CASC3: variants seen among roughly 807,000 people sequenced by gnomAD.
CASC3 encodes the protein CASC3 exon junction complex subunit, also known as protein CASC3.
A neutral mutation model predicts 80.5 loss-of-function variants in CASC3; 30 were observed. The observed-to-expected ratio is 0.37, with a 90% CI of 0.28 to 0.51. The LOEUF (loss-of-function observed/expected upper bound fraction) is 0.51. CASC3 is among the 20% of genes least tolerant of loss of function. The pLI is 0.94. For synonymous variants in CASC3, 312 were observed against 333.6 expected, an observed-to-expected ratio of 0.94 and a Z score of 0.70; for missense variants, 824 against 922.2, an observed-to-expected ratio of 0.89 and a Z score of 1.38.
intron 13 of CASC3, 56 bp downstream of exon 13, chr17:40,169,718 TAAAC>T (rs1411291676): frequency 4.9e-5 from 19 of 390,826 alleles, no homozygotes; most frequent in Non-Finnish European, 8.0e-5. Flanking sequence ...ACTTGCTTAA[TAAAC>T]AAAAATCACT....
chr17:40,154,481 A>G (rs913345153), intron 3 of CASC3, among the ~76,000 whole-genome samples: 1 of 149,428 alleles, frequency 6.7e-6, no homozygotes, highest in African/African-American at 2.5e-5. Context: ...TGATCTGCCC[A>G]CCTCAGCCTC....
chr17:40,167,446 AT>A, intron 8 of CASC3, 51 bp from the exon 9 acceptor site: 3 of 1,320,882 alleles, frequency 2.3e-6, no homozygotes, highest in Non-Finnish European at 3.3e-6. Flanking sequence ...GTAGGACTTG[AT>A]ATGAGAGCCC....
At chr17:40,141,641 T>C in intron 3 of CASC3, 34 bp downstream of exon 3, 5 of 1,565,622 alleles carry the variant, frequency 3.2e-6, no homozygotes, top group Non-Finnish European at 4.4e-6. Context: ...ATGGTATAGA[T>C]CAGAAATGCT....
chr17:40,140,897 T>C, intron 1 of CASC3, 118 bp downstream of exon 1: 1 of 841,240 alleles, frequency 1.2e-6, no homozygotes, highest in Non-Finnish European at 1.8e-6. Flanking sequence ...TTTTTTTGTT[T>C]TTGAGAGAAA....
chr17:40,144,636 G>A lies in CASC3; in HGVS notation c.297+3029G>A, dbSNP rs776303875. Among the ~76,000 whole-genome samples, 8 of 148,504 alleles carry A rather than the reference G, an allele frequency of 5.4e-5. 1 individual carries two copies. The highest frequency in any genetic ancestry group is 1.2e-4 in the Non-Finnish European group (8 of 67,200). ...CCGGGATTACAGGTGGATTACGGGT[G>A]TGAGCCACTGTGCCCAGCCCTCTTT... On this transcript the variant is annotated intron_variant, in intron 3 of 13. Transcript: ENST00000264645.
chr17:40,144,757 A>G (rs1598419781), intron 3 of CASC3, among the ~76,000 whole-genome samples: 1 of 142,746 alleles, frequency 7.0e-6, no homozygotes, highest in Non-Finnish European at 1.5e-5. Flanking sequence ...GCTCACTGCA[A>G]CCTCAAACTG....
intron 3 of CASC3, among the ~76,000 whole-genome samples, chr17:40,152,412 C>A (rs1235986977): frequency 6.6e-6 from 1 of 151,938 alleles, no homozygotes; most frequent in Non-Finnish European, 1.5e-5. Context: ...GCCTCTGCCT[C>A]CTGGGTTCAA....
intron 3 of CASC3, among the ~76,000 whole-genome samples, chr17:40,156,413 G>A (rs1215335794): frequency 6.6e-6 from 1 of 152,176 alleles, no homozygotes; most frequent in African/African-American, 2.4e-5. Context: ...ACGGCCAGGC[G>A]CGGTGGCTCA....
At chr17:40,148,262 G>T (rs972070888) in intron 3 of CASC3, among the ~76,000 whole-genome samples, 1 of 151,864 alleles carries the variant, frequency 6.6e-6, no homozygotes, top group Non-Finnish European at 1.5e-5. Context: ...ACTGAATTTG[G>T]TCCTGCTCTC....
chr17:40,169,792 G>T, intron 13 of CASC3, 130 bp downstream of exon 13: 1 of 485,344 alleles, frequency 2.1e-6, no homozygotes, highest in Non-Finnish European at 3.2e-6. Context: ...GTCTCAGTCT[G>T]TTATCCAGGC....
At chr17:40,141,086 A>C in intron 1 of CASC3, 121 bp from the exon 2 acceptor site, 1 of 920,524 alleles carries the variant, frequency 1.1e-6, no homozygotes, top group Non-Finnish European at 1.8e-6. Context: ...AGATTTACCT[A>C]TCTCTGTCTC....
At chr17:40,167,753 G>T (rs1989488412) in intron 9 of CASC3, 97 bp from the exon 10 acceptor site, 2 of 1,308,400 alleles carry the variant, frequency 1.5e-6, no homozygotes, top group African/African-American at 2.9e-5. Context: ...TCTTCGCATG[G>T]AATATTGAGA....
intron 3 of CASC3, among the ~76,000 whole-genome samples, chr17:40,147,940 T>C (rs1270924837): frequency 1.3e-5 from 2 of 152,196 alleles, no homozygotes; most frequent in African/African-American, 2.4e-5. Context: ...TTTTAGCTTA[T>C]TTTGAAATAG....
Position 40,168,432 on chromosome 17 carries a change from G to T in CASC3, c.1965+15G>T, listed in dbSNP as rs929228658. On this transcript the variant is annotated intron_variant, in intron 11 of 13. Transcript: ENST00000264645. ...CTAATACACAGGTGAGATGGCTAATGATCATGTTTTTCTAGATACACATTC... is the reference window on the plus strand; with the variant it reads ...CTAATACACAGGTGAGATGGCTAATTATCATGTTTTTCTAGATACACATTC... 6.2e-7 allele frequency: 1 copy of T among 1,606,174 alleles called. No individual in the cohort carries two copies. Among genetic ancestry groups the T allele is most frequent in the Non-Finnish European group, 8.5e-7 (1 of 1,172,956 alleles).
intron 3 of CASC3, among the ~76,000 whole-genome samples, chr17:40,142,691 G>A (rs566336936): frequency 1.1e-4 from 17 of 152,102 alleles, no homozygotes; most frequent in African/African-American, 3.9e-4. Flanking sequence ...GATCGAAACC[G>A]TCCTGGCTAA....
intron 3 of CASC3, among the ~76,000 whole-genome samples, chr17:40,152,068 T>C (rs1598423940): frequency 1.3e-5 from 2 of 152,226 alleles, no homozygotes; most frequent in East Asian, 3.8e-4. Flanking sequence ...TTAACCTTTT[T>C]GTATGTGTGT....
chr17:40,150,937 C>T (rs1045758140), intron 3 of CASC3, among the ~76,000 whole-genome samples: 10 of 151,750 alleles, frequency 6.6e-5, no homozygotes, highest in South Asian at 2.1e-4. Context: ...GGTGTGAACC[C>T]GGGAGGTGGA....
Position 40,149,916 on chromosome 17 carries a change from A to G in CASC3, c.297+8309A>G, listed in dbSNP as rs368701149. Reference sequence around the variant, plus strand: ...CGACAGAGCGAGACTCCGTCTCAAAAAAAAGGGAAAAAAAAGAGGGAATAG... The same window carrying G: ...CGACAGAGCGAGACTCCGTCTCAAAGAAAAGGGAAAAAAAAGAGGGAATAG... On this transcript the variant is annotated intron_variant, in intron 3 of 13. Coordinates refer to ENST00000264645, the MANE Select transcript of CASC3 (RefSeq NM_007359.5). Among the ~76,000 whole-genome samples the G allele has an allele frequency of 3.9e-5, 6 of 152,346 alleles. No homozygotes were observed. The East Asian group carries it at 5.8e-4, about 15-fold the overall frequency.
intron 3 of CASC3, among the ~76,000 whole-genome samples, chr17:40,161,143 C>G (rs1213325986): frequency 2.6e-5 from 4 of 151,886 alleles, no homozygotes; most frequent in Admixed American, 2.6e-4. Flanking sequence ...CCAAGTGCGG[C>G]TAATTCTTAT....
Sources: gnomAD v4.1 joint callset for allele counts (sites outside exome capture counted in the v4.1 genomes callset) on GRCh38, gnomAD v4.1.1 for gene constraint, MANE v1.5 for transcripts, NCBI Gene and HGNC (gene_info 2026-07-23, HGNC 2026-07-21) for gene names.